Variants in ZBTB41 observed in about 807,000 individuals in gnomAD.
ZBTB41 encodes zinc finger and BTB domain containing 41.
ZBTB41 carries 42 observed loss-of-function variants against 87.6 expected under a neutral mutation model. That is an observed-to-expected ratio of 0.48 (90% CI 0.37 to 0.62). ZBTB41 has a LOEUF of 0.62. Among genes scored for constraint, ZBTB41 ranks in the 20% least tolerant of loss-of-function variants. ZBTB41 has a pLI of 0.00. For missense variants in ZBTB41, 799 were observed against 1,078.9 expected (o/e 0.74, Z 3.63); for synonymous variants, 364 against 364.0 (o/e 1.00, Z 0.00).
intron 10 of ZBTB41, among the ~76,000 whole-genome samples, chr1:197,162,061 C>G (rs986409013): frequency 1.3e-5 from 2 of 152,108 alleles, no homozygotes; most frequent in Non-Finnish European, 2.9e-5. Flanking sequence ...GTAACAAATA[C>G]TTTTAGAAAA....
intron 5 of ZBTB41, among the ~76,000 whole-genome samples, chr1:197,183,536 A>G (rs1659808647): frequency 6.6e-6 from 1 of 152,120 alleles, no homozygotes; most frequent in Admixed American, 6.5e-5. Context: ...AAATCATACA[A>G]ATTACCTAAT....
intron 1 of ZBTB41, among the ~76,000 whole-genome samples, 163 bp downstream of exon 1, chr1:197,201,060 C>A (rs1045088840): frequency 6.6e-6 from 1 of 152,298 alleles, no homozygotes; most frequent in Non-Finnish European, 1.5e-5. Context: ...AGAGACGGCC[C>A]CAGGAGGGGC....
In ZBTB41 at chr1:197,158,576, CTTGAAAAACATCTAG is replaced by C. The variant is rs1183803057; in HGVS notation, c.*768_*782del. 2.0e-5 allele frequency: 3 copies of C among 152,192 alleles called. No homozygotes were observed. Among genetic ancestry groups the C allele is most frequent in the Non-Finnish European group, 4.4e-5 (3 of 67,938 alleles). The allele number at this position is 152,192 out of a possible 1,614,324, so 9.4% of individuals were successfully genotyped here. A position where few individuals can be genotyped will look rare whatever the true frequency, so the allele number is the denominator to read the frequency against. On this transcript the variant is annotated 3_prime_UTR_variant, in exon 11 of 11. Transcript: ENST00000367405. ...AGTAAAGTACAAAAGGTGAACTTACCTTGAAAAACATCTAGTTAAAACTCTCATATTTTTCTTGTA... is the reference window on the plus strand; with the variant it reads ...AGTAAAGTACAAAAGGTGAACTTACCTTAAAACTCTCATATTTTTCTTGTA...
At chr1:197,197,953 C>T (rs374208887) in intron 2 of ZBTB41, among the ~76,000 whole-genome samples, 3 of 152,282 alleles carry the variant, frequency 2.0e-5, no homozygotes, top group East Asian at 3.9e-4. Flanking sequence ...CCTATTCACT[C>T]ATCTCCAAGT....
rs1366126194 is a variant in ZBTB41 at position 197,156,281 on chromosome 1, A to G, written c.*3078T>C. On this transcript the variant is annotated 3_prime_UTR_variant, in exon 11 of 11. Coordinates refer to ENST00000367405, the MANE Select transcript of ZBTB41 (RefSeq NM_194314.3). ...GGACAAATAGTTATTCAAGCAAGAA[A>G]GAATTTAAAGTCTTTTAAACTATTT... The G allele has an allele frequency of 6.6e-6, 1 of 152,160 alleles. No homozygotes were observed. The highest frequency in any genetic ancestry group is 2.4e-5 in the African/African-American group (1 of 41,394). 9.4% of individuals were successfully genotyped at this position (152,160 alleles called of 1,614,324 possible).
At chr1:197,199,139 GAAGAA>G (rs1660236318) in intron 2 of ZBTB41, among the ~76,000 whole-genome samples, 1 of 152,100 alleles carries the variant, frequency 6.6e-6, no homozygotes, top group Non-Finnish European at 1.5e-5. Context: ...ACTGGGAGAT[GAAGAA>G]AAGTAAAGGC....
rs1183923335 is a variant in ZBTB41, at chr1:197,172,818, C to T, written c.1986-570G>A. On this transcript the variant is annotated intron_variant, in intron 9 of 10. Coordinates refer to ENST00000367405, the MANE Select transcript of ZBTB41 (RefSeq NM_194314.3). Reference sequence around the variant, plus strand: ...AAGAATCTGCGGCAATTTTAAAACCCGCATTTATCAAAAAGGTGAAATTGC... The same window carrying T: ...AAGAATCTGCGGCAATTTTAAAACCTGCATTTATCAAAAAGGTGAAATTGC... Among the ~76,000 whole-genome samples, 7 of 152,024 alleles carry T rather than the reference C, an allele frequency of 4.6e-5. No individual in the cohort carries two copies. The South Asian group carries it at 8.3e-4, about 18-fold the overall frequency.
At chr1:197,190,630 T>C in intron 4 of ZBTB41, 132 bp downstream of exon 4, 5 of 571,444 alleles carry the variant, frequency 8.7e-6, no homozygotes, top group Non-Finnish European at 1.5e-5. Context: ...ATTAGAATAA[T>C]TTTATATAAA....
chr1:197,195,130 AT>A (rs879728815), intron 2 of ZBTB41, among the ~76,000 whole-genome samples: 1 of 152,370 alleles, frequency 6.6e-6, no homozygotes, highest in Non-Finnish European at 1.5e-5. Context: ...CTTAAAACTT[AT>A]CAAAGTTTCA....
chr1:197,165,471 A>G (rs183324315), intron 10 of ZBTB41, among the ~76,000 whole-genome samples: 2,087 of 151,962 alleles, frequency 0.014, 43 homozygotes, highest in African/African-American at 0.048. Flanking sequence ...TTAGCCGGGC[A>G]TGGTGGCAGG....
chr1:197,188,496 A>G, intron 4 of ZBTB41, 57 bp from the exon 5 acceptor site: 1 of 1,455,108 alleles, frequency 6.9e-7, no homozygotes, highest in Non-Finnish European at 9.2e-7. Context: ...TTGTAATATT[A>G]AGCTTGTAAT....
rs1354840189 is a variant in ZBTB41, at chr1:197,159,954, G to A, written c.2135C>T (p.Thr712Ile). ...NQSFRIKKTL[T>I]KHLVIHSDAR... ...ATCAGAATGAATAACCAGGTGTTTT[G>A]TTAATGTTTTCTTAATTCTAAAAGA... The change falls in exon 11 of 11, where the codon ACA becomes ATA. Residue 712 changes from threonine (T) to isoleucine (I), a missense_variant. Physicochemically the swap from Thr to Ile is moderately conservative, Grantham distance 89. Coordinates refer to ENST00000367405, the MANE Select transcript of ZBTB41 (RefSeq NM_194314.3). 1 of 1,613,594 alleles carries A rather than the reference G, an allele frequency of 6.2e-7. No individual in the cohort carries two copies. The highest frequency in any genetic ancestry group is 1.7e-5 in the Admixed American group (1 of 59,928).
chr1:197,173,580 C>A (rs1408395469), intron 9 of ZBTB41, among the ~76,000 whole-genome samples: 3 of 151,890 alleles, frequency 2.0e-5, no homozygotes, highest in African/African-American at 4.8e-5. Flanking sequence ...AATTTATTTT[C>A]TTTTATTGTT....
At position 197,200,540 on chromosome 1, in the gene ZBTB41, G is replaced by T; in HGVS notation, c.-67C>A. 1 of 1,446,372 alleles carries T rather than the reference G, an allele frequency of 6.9e-7. No individual in the cohort carries two copies. 89.6% of individuals were successfully genotyped at this position (1,446,372 alleles called of 1,614,324 possible). On this transcript the variant is annotated 5_prime_UTR_variant, in exon 2 of 11. Coordinates refer to ENST00000367405, the MANE Select transcript of ZBTB41 (RefSeq NM_194314.3). ...TTAAGTGATTTATAAAGGAAAACTA[G>T]ATTGTCTTGGATAACAGCTTCTGAA...
rs1009326555 is a variant in ZBTB41 at position 197,157,062 on chromosome 1, A to G, written c.*2297T>C. ...TTATAAAACAGTAAATCACTACTCA[A>G]GTTTAAGTTATCTACAATAGTAACT... On this transcript the variant is annotated 3_prime_UTR_variant, in exon 11 of 11. Coordinates refer to ENST00000367405, the MANE Select transcript of ZBTB41 (RefSeq NM_194314.3). 4 of 152,238 alleles carry G rather than the reference A, an allele frequency of 2.6e-5. No homozygotes were observed. Among genetic ancestry groups the G allele is most frequent in the African/African-American group, 9.7e-5 (4 of 41,424 alleles). 9.4% of individuals were successfully genotyped at this position (152,238 alleles called of 1,614,324 possible).
At chr1:197,189,264 G>T (rs1268833693) in intron 4 of ZBTB41, among the ~76,000 whole-genome samples, 1 of 152,136 alleles carries the variant, frequency 6.6e-6, no homozygotes, top group Non-Finnish European at 1.5e-5. Context: ...GCTCACCCCT[G>T]TAATCCCGGG....
At chr1:197,196,149 C>T (rs754214314) in intron 2 of ZBTB41, among the ~76,000 whole-genome samples, 4 of 152,146 alleles carry the variant, frequency 2.6e-5, no homozygotes, top group Non-Finnish European at 4.4e-5. Context: ...AACCTCCAGG[C>T]TCACAATCTA....
rs1174167276 is a variant in ZBTB41 at position 197,178,489 on chromosome 1, C to T, written c.1700G>A (p.Arg567Lys). The change falls in exon 7 of 11, where the codon AGA (arginine) becomes AAA (lysine). Residue 567 changes from arginine to lysine, a missense_variant. Physicochemically the swap from Arg to Lys is conservative, Grantham distance 26. This residue lies in a region of ZBTB41 where 198 missense variants were observed against 358.4 expected (regional missense o/e 0.55). Coordinates refer to ENST00000367405, the MANE Select transcript of ZBTB41 (RefSeq NM_194314.3). Reference protein sequence around the residue: ...RERTTLKEHLRIHSGEKPHLC... With the variant: ...RERTTLKEHLKIHSGEKPHLC... ...GTGAGGCTTTTCTCCACTGTGGATT[C>T]TCAAATGTTCTTTCAAAGTAGTTCT... 1.2e-6 allele frequency: 2 copies of T among 1,606,098 alleles called. No homozygotes were observed. Among genetic ancestry groups the T allele is most frequent in the Non-Finnish European group, 8.5e-7 (1 of 1,176,288 alleles).
intron 2 of ZBTB41, among the ~76,000 whole-genome samples, chr1:197,193,465 C>T (rs538286000): frequency 3.3e-5 from 5 of 152,114 alleles, no homozygotes; most frequent in East Asian, 3.9e-4. Flanking sequence ...TATTATCATA[C>T]GGGTTACTAG....
Sources: gnomAD v4.1 joint callset for allele counts (sites outside exome capture counted in the v4.1 genomes callset) on GRCh38, gnomAD v4.1.1 for gene constraint, gnomAD v4.1.1 regional missense constraint, MANE v1.5 for transcripts, NCBI Gene and HGNC (gene_info 2026-07-23, HGNC 2026-07-21) for gene names.